Variants in CACNG3 observed in about 807,000 individuals in gnomAD.
CACNG3 encodes voltage-dependent calcium channel gamma-3 subunit.
A neutral mutation model predicts 28.5 loss-of-function variants in CACNG3; 3 were observed. That is an observed-to-expected ratio of 0.11 (90% CI 0.05 to 0.27). The LOEUF is 0.27. Ranked by LOEUF, CACNG3 falls within the 10% of genes least tolerant of loss-of-function variation. CACNG3 has a pLI of 1.00. For missense variants in CACNG3, 236 were observed against 414.4 expected (o/e 0.57, Z 3.74); for synonymous variants, 174 against 162.2 (o/e 1.07, Z -0.55).
intron 1 of CACNG3, among the ~76,000 whole-genome samples, chr16:24,257,176 T>C (rs545036016): frequency 6.6e-6 from 1 of 152,252 alleles, no homozygotes; most frequent in Non-Finnish European, 1.5e-5. Context: ...ATAAGCTTCA[T>C]GAGATGAGAT....
At chr16:24,328,223 T>C (rs1313232744) in intron 1 of CACNG3, among the ~76,000 whole-genome samples, 4 of 151,930 alleles carry the variant, frequency 2.6e-5, no homozygotes, top group African/African-American at 7.3e-5. Context: ...GGGACATATT[T>C]TTGGTAAGAT....
intron 1 of CACNG3, among the ~76,000 whole-genome samples, chr16:24,268,945 C>T (rs1596621564): frequency 2.6e-5 from 4 of 152,176 alleles, no homozygotes; most frequent in Admixed American, 2.6e-4. Flanking sequence ...GTAACATAGA[C>T]GATGCGAATC....
intron 1 of CACNG3, among the ~76,000 whole-genome samples, chr16:24,257,788 G>T (rs139239048): frequency 1.3e-5 from 2 of 152,292 alleles, no homozygotes; most frequent in African/African-American, 4.8e-5. Flanking sequence ...CTAAAAATTA[G>T]GGAGTAGTTA....
chr16:24,338,360 T>G (rs898736529), intron 1 of CACNG3, among the ~76,000 whole-genome samples: 1 of 152,160 alleles, frequency 6.6e-6, no homozygotes, highest in Non-Finnish European at 1.5e-5. Flanking sequence ...TGTTTGTTTT[T>G]TGAGACAGAG....
chr16:24,271,577 G>A (rs964061230), intron 1 of CACNG3, among the ~76,000 whole-genome samples: 17 of 152,168 alleles, frequency 1.1e-4, no homozygotes, highest in Non-Finnish European at 2.1e-4. Context: ...GATGCAAAGT[G>A]AGTGATTTGA....
At chr16:24,273,483 C>G (rs988618228) in intron 1 of CACNG3, among the ~76,000 whole-genome samples, 2 of 152,304 alleles carry the variant, frequency 1.3e-5, no homozygotes, top group Middle Eastern at 3.4e-3. Flanking sequence ...TCTACCCATG[C>G]CTGTAGCTGT....
In CACNG3 at chr16:24,354,907, G is replaced by A. The variant is rs1002009149; in HGVS notation, c.370G>A (p.Ala124Thr). 7.4e-6 allele frequency: 12 copies of A among 1,612,356 alleles called. No homozygotes were observed. Among genetic ancestry groups the A allele is most frequent in the Admixed American group, 1.7e-5 (1 of 60,008 alleles). ...GTTCTTCGGCGGGCTCTGCGTGGCA[G>A]CCAGTGAGTTCCACCGCAGCAGACA... ...LLFFGGLCVAASEFHRSRHNV... is the reference protein window; with the variant it reads ...LLFFGGLCVATSEFHRSRHNV... The change falls in exon 3 of 4, where the codon GCC becomes ACC. Residue 124 changes from alanine to threonine, a missense_variant. Physicochemically the swap from Ala to Thr is moderately conservative, Grantham distance 58. Transcript: ENST00000005284.
chr16:24,317,656 G>GAAAGAAAGAAAGAAAGGA (rs1899392834), intron 1 of CACNG3, among the ~76,000 whole-genome samples: 6 of 63,972 alleles, frequency 9.4e-5, no homozygotes, highest in African/African-American at 4.6e-4. Context: ...AGAAAAGAAA[G>GAAAGAAAGAAAGAAAGGA]AAAGAAAGAA....
chr16:24,333,706 G>C (rs1596646560), intron 1 of CACNG3, among the ~76,000 whole-genome samples: 1 of 152,124 alleles, frequency 6.6e-6, no homozygotes, highest in Non-Finnish European at 1.5e-5. Context: ...GCCGGGTATG[G>C]TGGCGTGCAC....
At chr16:24,288,966 G>A (rs72781836) in intron 1 of CACNG3, among the ~76,000 whole-genome samples, 30,777 of 152,008 alleles carry the variant, frequency 0.2, 3,595 homozygotes, top group Non-Finnish European at 0.28. Context: ...TCCATCATGC[G>A]GCCATGTGGC....
chr16:24,287,247 G>T (rs1898906589), intron 1 of CACNG3, among the ~76,000 whole-genome samples: 1 of 152,136 alleles, frequency 6.6e-6, no homozygotes, highest in Admixed American at 6.5e-5. Context: ...GCCATGCATG[G>T]TGACTCACAC....
chr16:24,361,721 G>A lies in CACNG3; in HGVS notation c.806G>A (p.Arg269Gln), dbSNP rs766372843. ...GACATCTCGATGTTCACCCTCTCCC[G>A]GGACCCCTCAAAGATCACCATGGGG... The part of the protein sequence containing the change: ...STDISMFTLS[R>Q]DPSKITMGTL... The change falls in exon 4 of 4, where the codon CGG becomes CAG. Residue 269 changes from arginine to glutamine, a missense_variant. Physicochemically the swap from Arg to Gln is conservative, Grantham distance 43. Transcript: ENST00000005284. This position sits in a 1 kb window ranked among gnomAD's most constrained non-coding sequence, Gnocchi z 6.8. 9 of 1,613,252 alleles carry A rather than the reference G, an allele frequency of 5.6e-6. 1 individual carries two copies. The highest frequency in any genetic ancestry group is 5.5e-5 in the South Asian group (5 of 91,004).
At chr16:24,339,558 G>C (rs965083535) in intron 1 of CACNG3, among the ~76,000 whole-genome samples, 1 of 151,994 alleles carries the variant, frequency 6.6e-6, no homozygotes, top group Admixed American at 6.6e-5. Flanking sequence ...GCTAATTTTT[G>C]TATTTTTAGT....
intron 1 of CACNG3, among the ~76,000 whole-genome samples, chr16:24,335,250 T>C (rs111529824): frequency 5.3e-5 from 8 of 152,136 alleles, no homozygotes; most frequent in African/African-American, 1.9e-4. Context: ...TGAAACGCTG[T>C]CTGTACTAAA....
chr16:24,353,368 G>T (rs749606258), intron 2 of CACNG3, among the ~76,000 whole-genome samples: 1 of 152,146 alleles, frequency 6.6e-6, no homozygotes, highest in Non-Finnish European at 1.5e-5. Flanking sequence ...TTGATGACAG[G>T]ACCCCTGGCT....
chr16:24,256,770 A>C lies in CACNG3; in HGVS notation c.16A>C (p.Arg6=). 1 of 1,612,520 alleles carries C rather than the reference A, an allele frequency of 6.2e-7. No homozygotes were observed. Among genetic ancestry groups the C allele is most frequent in the Middle Eastern group, 1.7e-4 (1 of 6,048 alleles). The part of the protein sequence containing the change: MRMCD[R]GIQMLITTVG... ...ATGAAGAATTATGAGGATGTGTGAC[A>C]GAGGTATCCAGATGTTGATCACCAC... Residue 6 remains arginine, a synonymous_variant, in exon 1 of 4, where the codon AGA becomes CGA. Coordinates refer to ENST00000005284, the MANE Select transcript of CACNG3 (RefSeq NM_006539.4). The surrounding 1 kb of genome is among the most constrained non-coding windows in gnomAD (Gnocchi z 4.6).
intron 1 of CACNG3, among the ~76,000 whole-genome samples, chr16:24,336,749 C>A (rs770752171): frequency 2.6e-5 from 4 of 151,764 alleles, no homozygotes; most frequent in Non-Finnish European, 5.9e-5. Context: ...CTAATTATGT[C>A]CCAGCAGGCC....
intron 1 of CACNG3, among the ~76,000 whole-genome samples, chr16:24,291,221 CTTG>C (rs1302093069): frequency 2.0e-5 from 3 of 152,132 alleles, no homozygotes; most frequent in Non-Finnish European, 4.4e-5. Context: ...GTTGTTGTTG[CTTG>C]TTGTTGTTGA....
At chr16:24,346,908 T>G in intron 2 of CACNG3, 91 bp downstream of exon 2, 1 of 963,090 alleles carries the variant, frequency 1.0e-6, no homozygotes, top group Non-Finnish European at 1.7e-6. Flanking sequence ...TTCCTCAGCA[T>G]CTGTCCCTAG....
Sources: gnomAD v4.1 joint callset for allele counts (sites outside exome capture counted in the v4.1 genomes callset) on GRCh38, gnomAD v4.1.1 for gene constraint, Gnocchi (gnomAD v3.1) non-coding constraint, MANE v1.5 for transcripts, NCBI Gene and HGNC (gene_info 2026-07-23, HGNC 2026-07-21) for gene names.